Variants in MANSC4 observed in about 807,000 individuals in gnomAD.
MANSC4 encodes the protein MANSC domain containing 4.
In MANSC4, 11 loss-of-function variants were observed where a neutral mutation model predicts 11.4. That is an observed-to-expected ratio of 0.97 (90% CI 0.61 to 1.60). The LOEUF is 1.60. Ranked by LOEUF, MANSC4 falls within the 40% of genes most tolerant of loss-of-function variation. MANSC4 has a pLI of 0.00. For synonymous variants in MANSC4, 123 were observed against 147.1 expected, an observed-to-expected ratio of 0.84 and a Z score of 1.19; for missense variants, 354 against 404.6, an observed-to-expected ratio of 0.88 and a Z score of 1.07.
chr12:27,769,419 A>G (rs1462569900), intron 2 of MANSC4, among the ~76,000 whole-genome samples: 4 of 152,212 alleles, frequency 2.6e-5, no homozygotes, highest in Non-Finnish European at 4.4e-5. Context: ...GAAGGAAGAA[A>G]GCCACAACTG....
rs367544975 is a variant in MANSC4, at chr12:27,764,581, CT to C, written c.365-1186del. Among the ~76,000 whole-genome samples, 663 of 152,220 alleles carry C rather than the reference CT, an allele frequency of 4.4e-3. 5 individuals are homozygous for C. The highest frequency in any genetic ancestry group is 0.015 in the African/African-American group (626 of 41,528). On this transcript the variant is annotated intron_variant, in intron 3 of 3. Coordinates refer to ENST00000381273, the MANE Select transcript of MANSC4 (RefSeq NM_001146221.5). The stretch of plus-strand genomic sequence containing the variant: ...TCCTTGGTTTTCAGCTGTATTTTCT[CT>C]TCACTGCCCCCTCCCCTCCAACACA...
chr12:27,779,801 AC>A (rs2062135391), intron 1 of MANSC4: 1 of 151,992 alleles, frequency 6.6e-6, no homozygotes, highest in Admixed American at 6.5e-5. Context: ...CCGGAGCATC[AC>A]TGCAGCCCCC....
chr12:27,774,813 GGAGATCGA>G (rs2062112984), intron 1 of MANSC4, among the ~76,000 whole-genome samples: 2 of 152,018 alleles, frequency 1.3e-5, no homozygotes, highest in African/African-American at 4.8e-5. Context: ...CACGAGGTCA[GGAGATCGA>G]GACCATGCTG....
At position 27,766,664 on chromosome 12, in the gene MANSC4, C is replaced by T; in HGVS notation, c.364+1G>A. On this transcript the variant is annotated splice_donor_variant, in intron 3 of 3. Coordinates refer to ENST00000381273, the MANE Select transcript of MANSC4 (RefSeq NM_001146221.5). LOFTEE classifies it high-confidence loss of function. ...AAAGTCTTGAAATATGTAATCATTA[C>T]CGTCTGTTATGTTGTACAAAATGGC... The T allele has an allele frequency of 6.5e-7, 1 of 1,550,056 alleles. No homozygotes were observed. The highest frequency in any genetic ancestry group is 1.4e-5 in the African/African-American group (1 of 73,074).
At chr12:27,773,123 G>A (rs2062106939) in intron 1 of MANSC4, among the ~76,000 whole-genome samples, 1 of 152,122 alleles carries the variant, frequency 6.6e-6, no homozygotes, top group Admixed American at 6.5e-5. Flanking sequence ...CAGGAGGACT[G>A]CTTGAGCCTA....
At chr12:27,770,318 TTACA>T (rs1435013389) in intron 2 of MANSC4, among the ~76,000 whole-genome samples, 1 of 152,100 alleles carries the variant, frequency 6.6e-6, no homozygotes, top group Non-Finnish European at 1.5e-5. Context: ...GTAGCTGGGA[TTACA>T]GGCGCCTGCC....
chr12:27,774,822 G>C (rs1473480247), intron 1 of MANSC4, among the ~76,000 whole-genome samples: 3 of 152,042 alleles, frequency 2.0e-5, no homozygotes, highest in African/African-American at 7.2e-5. Context: ...AGGAGATCGA[G>C]ACCATGCTGG....
At position 27,762,806 on chromosome 12, in the gene MANSC4, G is replaced by T; in HGVS notation, c.955C>A (p.Pro319Thr). 4 of 1,551,592 alleles carry T rather than the reference G, an allele frequency of 2.6e-6. No individual in the cohort carries two copies. The highest frequency in any genetic ancestry group is 3.5e-6 in the Non-Finnish European group (4 of 1,146,990). ...CCGKQQGQYK[P>T]GQRKSGSLQI... ...AAGGATCCTGATTTTCTCTGTCCTG[G>T]TTTATACTGGCCCTGCTGCTTTCCA... Residue 319 changes from proline (P) to threonine (T), a missense_variant, in exon 4 of 4, where the codon CCA becomes ACA. Pro to Thr is a conservative substitution (Grantham distance 38, BLOSUM62 -1). Coordinates refer to ENST00000381273, the MANE Select transcript of MANSC4 (RefSeq NM_001146221.5).
intron 3 of MANSC4, 64 bp from the exon 4 acceptor site, chr12:27,763,460 A>G: frequency 7.0e-7 from 1 of 1,434,142 alleles, no homozygotes; most frequent in Non-Finnish European, 9.3e-7. Context: ...CCTAAAGCAC[A>G]GTTTGGAGAA....
intron 2 of MANSC4, among the ~76,000 whole-genome samples, chr12:27,769,260 G>C (rs1206453111): frequency 1.3e-5 from 2 of 152,224 alleles, no homozygotes; most frequent in African/African-American, 4.8e-5. Flanking sequence ...TGATGAGAAA[G>C]TAGTTGATTC....
chr12:27,765,017 G>A (rs1181181085), intron 3 of MANSC4, among the ~76,000 whole-genome samples: 1 of 151,734 alleles, frequency 6.6e-6, no homozygotes, highest in East Asian at 1.9e-4. Context: ...AATTTTTTTT[G>A]TAGAGATGGG....
Position 27,763,304 on chromosome 12 carries a change from T to G in MANSC4, c.457A>C (p.Lys153Gln). The G allele has an allele frequency of 6.4e-7, 1 of 1,551,768 alleles. No individual in the cohort carries two copies. Among genetic ancestry groups the G allele is most frequent in the Non-Finnish European group, 8.7e-7 (1 of 1,147,014 alleles). ...SNRWDRLRIL[K>Q]AMNLDKQTTT... Reference sequence around the variant, plus strand: ...GTTTGTTTATCTAAATTCATAGCTTTTAGAATCCTTAGTCTGTCCCATCTA... The same window carrying G: ...GTTTGTTTATCTAAATTCATAGCTTGTAGAATCCTTAGTCTGTCCCATCTA... Residue 153 changes from lysine to glutamine, a missense_variant, in exon 4 of 4, where the codon AAA becomes CAA. Lys to Gln is a moderately conservative substitution (Grantham distance 53). Coordinates refer to ENST00000381273, the MANE Select transcript of MANSC4 (RefSeq NM_001146221.5).
In MANSC4 at chr12:27,776,005, G is replaced by T. The variant is rs556283605; in HGVS notation, c.-307+4205C>A. 1.1e-3 allele frequency among the ~76,000 whole-genome samples: 159 copies of T among 150,264 alleles called. 1 individual carries two copies. The highest frequency in any genetic ancestry group is 3.5e-3 in the African/African-American group (145 of 40,908). ...CTTGGGAGGCTGAGACAGGAGAATG[G>T]CTTGAACCCAGGAGGCTGAGGTTGT... On this transcript the variant is annotated intron_variant, in intron 1 of 3. Transcript: ENST00000381273.
chr12:27,778,225 CA>C (rs34172632), intron 1 of MANSC4, among the ~76,000 whole-genome samples: 27,172 of 134,640 alleles, frequency 0.2, 2,587 homozygotes, highest in Non-Finnish European at 0.25. Context: ...AACTCTGTCT[CA>C]AAAAAAAAAA....
intron 2 of MANSC4, among the ~76,000 whole-genome samples, chr12:27,769,156 T>G (rs1246534791): frequency 3.3e-5 from 5 of 152,224 alleles, no homozygotes; most frequent in African/African-American, 4.8e-5. Flanking sequence ...AATACATTGC[T>G]AATACATTAC....
intron 1 of MANSC4, among the ~76,000 whole-genome samples, chr12:27,773,356 G>C (rs775021908): frequency 6.6e-6 from 1 of 152,152 alleles, no homozygotes; most frequent in Non-Finnish European, 1.5e-5. Flanking sequence ...GTTTTAAAAA[G>C]AAATGGTAGA....
At chr12:27,768,578 C>T (rs929331343) in intron 2 of MANSC4, among the ~76,000 whole-genome samples, 1 of 151,756 alleles carries the variant, frequency 6.6e-6, no homozygotes, top group East Asian at 1.9e-4. Context: ...ATAGATTCTA[C>T]TTCTGCTGCA....
At chr12:27,778,294 T>C (rs2062127323) in intron 1 of MANSC4, among the ~76,000 whole-genome samples, 1 of 151,068 alleles carries the variant, frequency 6.6e-6, no homozygotes, top group Admixed American at 6.6e-5. Context: ...CAAGTAATAA[T>C]AATAAACAAA....
intron 3 of MANSC4, among the ~76,000 whole-genome samples, chr12:27,764,583 T>A (rs1156310863): frequency 6.6e-6 from 1 of 150,856 alleles, no homozygotes; most frequent in Admixed American, 6.6e-5. Flanking sequence ...TATTTTCTCT[T>A]CACTGCCCCC....
Sources: allele counts gnomAD v4.1 joint callset (sites outside exome capture counted in the v4.1 genomes callset), GRCh38; gene constraint gnomAD v4.1.1; transcripts MANE v1.5; gene names NCBI Gene and HGNC (gene_info 2026-07-23, HGNC 2026-07-21).